Variants in FERMT2 observed in about 807,000 individuals in gnomAD.
FERMT2 encodes fermitin family homolog 2.
Under a neutral mutation model 82.7 loss-of-function variants are expected in FERMT2, and 15 were observed. The observed-to-expected ratio is 0.18, with a 90% confidence interval of 0.12 to 0.28. The LOEUF is 0.28. Among genes scored for constraint, FERMT2 ranks in the 10% least tolerant of loss-of-function variants. The pLI is 1.00. For missense variants in FERMT2, 645 were observed against 809.4 expected, an observed-to-expected ratio of 0.80 and a Z score of 2.46; for synonymous variants, 274 against 271.5, an observed-to-expected ratio of 1.01 and a Z score of -0.09.
chr14:52,924,180 G>A (rs1312496629), intron 2 of FERMT2, among the ~76,000 whole-genome samples: 1 of 152,208 alleles, frequency 6.6e-6, no homozygotes, highest in Admixed American at 6.5e-5. Context: ...CAGCACCATT[G>A]AGGGAGACCA....
chr14:52,924,561 G>A (rs896637908), intron 2 of FERMT2, among the ~76,000 whole-genome samples: 3 of 152,150 alleles, frequency 2.0e-5, no homozygotes, highest in African/African-American at 7.2e-5. Flanking sequence ...TTGAAGAAGT[G>A]TGGTGATGGG....
chr14:52,883,777 C>T (rs189528732), intron 4 of FERMT2, among the ~76,000 whole-genome samples: 2 of 152,144 alleles, frequency 1.3e-5, no homozygotes, highest in Non-Finnish European at 2.9e-5. Context: ...TTTGCACCAT[C>T]CCCGCTTGGT....
At chr14:52,860,292 A>T in intron 13 of FERMT2, 49 bp downstream of exon 13, 1 of 1,590,190 alleles carries the variant, frequency 6.3e-7, no homozygotes, top group Non-Finnish European at 8.6e-7. Flanking sequence ...AGGTAGATTA[A>T]GCAAAAATGC....
At chr14:52,868,912 G>C (rs1275659287) in intron 10 of FERMT2, among the ~76,000 whole-genome samples, 1 of 152,236 alleles carries the variant, frequency 6.6e-6, no homozygotes, top group Non-Finnish European at 1.5e-5. Context: ...CCTGTGATGA[G>C]TGCAATGATC....
At chr14:52,921,114 A>G (rs1361282999) in intron 2 of FERMT2, among the ~76,000 whole-genome samples, 2 of 152,184 alleles carry the variant, frequency 1.3e-5, no homozygotes, top group Non-Finnish European at 2.9e-5. Context: ...ACACATAACT[A>G]GTCTATCCCT....
At chr14:52,922,164 C>A (rs554873178) in intron 2 of FERMT2, among the ~76,000 whole-genome samples, 2 of 152,294 alleles carry the variant, frequency 1.3e-5, no homozygotes, top group Non-Finnish European at 2.9e-5. Flanking sequence ...TTCCTCACTG[C>A]TGTGAGCACC....
chr14:52,915,338 G>C (rs1411331313), intron 3 of FERMT2, among the ~76,000 whole-genome samples: 1 of 152,126 alleles, frequency 6.6e-6, no homozygotes, highest in African/African-American at 2.4e-5. Flanking sequence ...CTGAAAAACA[G>C]CAAAGAAGAG....
Position 52,950,490 on chromosome 14 carries a change from G to C in FERMT2, c.79C>G (p.Leu27Val). The C allele has an allele frequency of 1.9e-6, 3 of 1,614,092 alleles. No individual in the cohort carries two copies. Among genetic ancestry groups the C allele is most frequent in the South Asian group, 1.1e-5 (1 of 91,068 alleles). Reference sequence around the variant, plus strand: ...ACTCTCAGGGTGACATCGCGGTTCAGGTCCGTCACATGGACACTCAGTTCC... The same window carrying C: ...ACTCTCAGGGTGACATCGCGGTTCACGTCCGTCACATGGACACTCAGTTCC... ...TWELSVHVTD[L>V]NRDVTLRVTG... The change falls in exon 2 of 15, where the codon CTG becomes GTG. Residue 27 changes from leucine to valine, a missense_variant. By Grantham distance (32) the Leu-to-Val change is conservative. Transcript: ENST00000341590.
chr14:52,891,615 AGTG>A (rs1388052668), intron 4 of FERMT2, among the ~76,000 whole-genome samples: 1 of 152,154 alleles, frequency 6.6e-6, no homozygotes, highest in Non-Finnish European at 1.5e-5. Context: ...TGCATGAAAT[AGTG>A]GTGGGCACTG....
At chr14:52,891,547 T>C (rs1023447182) in intron 4 of FERMT2, among the ~76,000 whole-genome samples, 3 of 152,122 alleles carry the variant, frequency 2.0e-5, no homozygotes, top group Non-Finnish European at 4.4e-5. Flanking sequence ...ATGTGGGTAT[T>C]AACAATATCT....
At chr14:52,870,157 AG>A (rs1885527712) in intron 10 of FERMT2, among the ~76,000 whole-genome samples, 1 of 152,216 alleles carries the variant, frequency 6.6e-6, no homozygotes, top group East Asian at 1.9e-4. Flanking sequence ...GTAATGTCCT[AG>A]GCCTTCATAT....
At chr14:52,927,592 T>TTAAAAAA (rs1889350559) in intron 2 of FERMT2, among the ~76,000 whole-genome samples, 5 of 33,714 alleles carry the variant, frequency 1.5e-4, no homozygotes, top group African/African-American at 6.4e-4. Context: ...CTCATCCCTA[T>TTAAAAAA]AAAAAAAAAA....
intron 3 of FERMT2, among the ~76,000 whole-genome samples, chr14:52,896,926 C>T (rs553822843): frequency 1.0e-3 from 154 of 151,710 alleles, no homozygotes; most frequent in African/African-American, 3.6e-3. Context: ...AGCCTGGAAG[C>T]TGCAGTGAGC....
At chr14:52,903,957 G>T (rs1296837240) in intron 3 of FERMT2, among the ~76,000 whole-genome samples, 3 of 152,212 alleles carry the variant, frequency 2.0e-5, no homozygotes, top group African/African-American at 7.2e-5. Flanking sequence ...ATCCAAAAAT[G>T]TATTTGATCA....
intron 2 of FERMT2, among the ~76,000 whole-genome samples, chr14:52,920,078 T>G (rs991546777): frequency 3.3e-5 from 5 of 152,142 alleles, no homozygotes; most frequent in African/African-American, 1.2e-4. Flanking sequence ...CTTATGCAAC[T>G]AAATGAAACC....
chr14:52,870,285 T>C (rs1461241851), intron 10 of FERMT2, among the ~76,000 whole-genome samples: 1 of 151,828 alleles, frequency 6.6e-6, no homozygotes, highest in African/African-American at 2.4e-5. Flanking sequence ...GTTTCGTTCT[T>C]GTTGCCCAAG....
chr14:52,894,104 G>A (rs772524627), intron 3 of FERMT2, among the ~76,000 whole-genome samples: 17 of 152,146 alleles, frequency 1.1e-4, no homozygotes, highest in Non-Finnish European at 2.1e-4. Flanking sequence ...TGGGATTACC[G>A]GCGTGAGCCA....
chr14:52,864,435 G>C lies in FERMT2; in HGVS notation c.1568C>G (p.Ser523Cys), dbSNP rs1429904000. 2.5e-6 allele frequency: 4 copies of C among 1,613,818 alleles called. No homozygotes were observed. In the East Asian group the frequency reaches 6.7e-5, roughly 27 times the overall value. ...TTDITPECLV[S>C]PRYLKKYKNK... The stretch of plus-strand genomic sequence containing the variant: ...CTTATACTTTTTTAGATAGCGGGGA[G>C]ACACCAAACATTCAGGAGTTATATC... The change falls in exon 12 of 15, where the codon TCT (serine) becomes TGT (cysteine). Residue 523 changes from serine to cysteine, a missense_variant. Coordinates refer to ENST00000341590, the MANE Select transcript of FERMT2 (RefSeq NM_006832.3).
intron 2 of FERMT2, among the ~76,000 whole-genome samples, chr14:52,930,879 G>A (rs1172716705): frequency 6.6e-6 from 1 of 152,112 alleles, no homozygotes; most frequent in Non-Finnish European, 1.5e-5. Flanking sequence ...AATATTGATT[G>A]AAATGTAAAG....
Sources: gnomAD v4.1 joint callset for allele counts (sites outside exome capture counted in the v4.1 genomes callset) on GRCh38, gnomAD v4.1.1 for gene constraint, MANE v1.5 for transcripts, NCBI Gene and HGNC (gene_info 2026-07-23, HGNC 2026-07-21) for gene names.